NOS1AP: variants seen among roughly 807,000 people sequenced by gnomAD.
NOS1AP encodes nitric oxide synthase 1 adaptor protein.
NOS1AP carries 21 observed loss-of-function variants against 56.2 expected under a neutral mutation model. The ratio of observed to expected loss-of-function variants is 0.37; its 90% CI spans 0.26 to 0.54. NOS1AP has a LOEUF of 0.54. NOS1AP is among the 20% of genes least tolerant of loss of function. NOS1AP has a pLI of 0.84. For missense variants in NOS1AP, 522 were observed against 657.8 expected (o/e 0.79, Z 2.26); for synonymous variants, 270 against 274.6 (o/e 0.98, Z 0.17).
chr1:162,113,222 A>T (rs141828006), intron 1 of NOS1AP, among the ~76,000 whole-genome samples: 6 of 152,278 alleles, frequency 3.9e-5, no homozygotes, highest in African/African-American at 1.4e-4. Context: ...TCTGACAGCA[A>T]GCAGGTTATG....
chr1:162,333,996 T>A (rs1656859519), intron 5 of NOS1AP, among the ~76,000 whole-genome samples: 2 of 152,222 alleles, frequency 1.3e-5, no homozygotes, highest in Admixed American at 6.5e-5. Flanking sequence ...CTAAGGACCC[T>A]AGTAAGTCCA....
At chr1:162,153,993 A>G (rs1461699816) in intron 1 of NOS1AP, among the ~76,000 whole-genome samples, 2 of 147,028 alleles carry the variant, frequency 1.4e-5, no homozygotes, top group Admixed American at 6.8e-5. Context: ...TTTTGAGAGC[A>G]CTAATATTTG....
intron 1 of NOS1AP, among the ~76,000 whole-genome samples, chr1:162,148,246 G>A (rs1260649896): frequency 1.3e-5 from 2 of 152,222 alleles, no homozygotes; most frequent in Admixed American, 1.3e-4. Context: ...GGGTGAATCT[G>A]TGTTCATTTT....
rs777150600 is a variant in NOS1AP, at chr1:162,355,326, G to A, written c.735G>A (p.Lys245=). 1 of 1,614,170 alleles carries A rather than the reference G, an allele frequency of 6.2e-7. No individual in the cohort carries two copies. The highest frequency in any genetic ancestry group is 8.5e-7 in the Non-Finnish European group (1 of 1,180,034). Residue 245 remains lysine, a synonymous_variant, in exon 7 of 10, where the codon AAG becomes AAA. Transcript: ENST00000361897. ...TGACTGATCTAGATGCTGTAGGGAA[G>A]GAAGGAGGCTCTCACACAGGCTCCA... ...RGVTDLDAVG[K]EGGSHTGSKV...
chr1:162,150,652 C>A (rs1258695260), intron 1 of NOS1AP, among the ~76,000 whole-genome samples: 2 of 152,126 alleles, frequency 1.3e-5, no homozygotes, highest in Non-Finnish European at 2.9e-5. Context: ...GGATAAAAGT[C>A]ATTTTAACTG....
At chr1:162,336,424 A>G (rs1656941881) in intron 5 of NOS1AP, among the ~76,000 whole-genome samples, 1 of 152,204 alleles carries the variant, frequency 6.6e-6, no homozygotes, top group Non-Finnish European at 1.5e-5. Flanking sequence ...TATATAACTC[A>G]GAAGTTGCTT....
At chr1:162,242,746 G>A (rs1186623814) in intron 2 of NOS1AP, among the ~76,000 whole-genome samples, 2 of 152,098 alleles carry the variant, frequency 1.3e-5, no homozygotes, top group Non-Finnish European at 2.9e-5. Flanking sequence ...TCCAAGAATT[G>A]AAGAAAGCAG....
intron 2 of NOS1AP, among the ~76,000 whole-genome samples, chr1:162,279,475 G>C (rs567167815): frequency 6.6e-6 from 1 of 152,260 alleles, no homozygotes; most frequent in East Asian, 1.9e-4. Context: ...ACATCTGTGT[G>C]TGCATGAACC....
At chr1:162,298,714 G>T (rs1421325670) in intron 3 of NOS1AP, among the ~76,000 whole-genome samples, 2 of 152,104 alleles carry the variant, frequency 1.3e-5, no homozygotes, top group Non-Finnish European at 2.9e-5. Flanking sequence ...CAATCAACTG[G>T]TGCTAACACC....
chr1:162,087,157 G>A (rs1002534425), intron 1 of NOS1AP, among the ~76,000 whole-genome samples: 1 of 152,198 alleles, frequency 6.6e-6, no homozygotes, highest in Admixed American at 6.5e-5. Flanking sequence ...CAAGAGTTTG[G>A]TGTGTTAGAG....
intron 2 of NOS1AP, among the ~76,000 whole-genome samples, 193 bp downstream of exon 2, chr1:162,154,669 AT>A (rs1156909097): frequency 1.3e-5 from 2 of 152,190 alleles, no homozygotes; most frequent in African/African-American, 4.8e-5. Context: ...GTTAAAATGG[AT>A]GTGATGGCTG....
chr1:162,357,201 G>T, intron 8 of NOS1AP, 65 bp downstream of exon 8: 1 of 1,571,716 alleles, frequency 6.4e-7, no homozygotes, highest in Non-Finnish European at 8.6e-7. Flanking sequence ...ACCTTCCCTA[G>T]CGAGGGGCTC....
intron 2 of NOS1AP, among the ~76,000 whole-genome samples, chr1:162,252,471 G>A (rs538897311): frequency 6.6e-6 from 1 of 152,210 alleles, no homozygotes; most frequent in Admixed American, 6.5e-5. Context: ...GCAAATTCAA[G>A]GGGAGGTAGT....
In NOS1AP at chr1:162,151,880, G is replaced by A. The variant is rs540345187; in HGVS notation, c.106-2525G>A. Among the ~76,000 whole-genome samples the A allele has an allele frequency of 4.6e-3, 702 of 152,070 alleles. 2 individuals are homozygous for A. The highest frequency in any genetic ancestry group is 0.02 in the Middle Eastern group (6 of 294). On this transcript the variant is annotated intron_variant, in intron 1 of 9. Transcript: ENST00000361897. ...GGGGTGTGCATGTACATGTACATGC[G>A]CACCATGACTGTGTGTGAAGGTGTG...
intron 1 of NOS1AP, among the ~76,000 whole-genome samples, chr1:162,118,331 A>G (rs1648056039): frequency 6.6e-6 from 1 of 152,132 alleles, no homozygotes; most frequent in Non-Finnish European, 1.5e-5. Context: ...TTTAGCTCCC[A>G]CTTATAAGCG....
At position 162,299,620 on chromosome 1, in the gene NOS1AP, T is replaced by C. The variant is rs571429114; in HGVS notation, c.271-1013T>C. ...ATAGGAAGGTATCTTTTTAAAAAAA[T>C]ATTTAGTTTTTGGCTGTAACTGAAG... On this transcript the variant is annotated intron_variant, in intron 3 of 9. Transcript: ENST00000361897. Among the ~76,000 whole-genome samples the C allele has an allele frequency of 5.3e-5, 8 of 152,270 alleles. No individual in the cohort carries two copies. In the East Asian group the frequency reaches 1.5e-3, roughly 29 times the overall value.
chr1:162,255,763 G>A (rs2101698768), intron 2 of NOS1AP, among the ~76,000 whole-genome samples: 1 of 152,184 alleles, frequency 6.6e-6, no homozygotes, highest in South Asian at 2.1e-4. Context: ...GTTGGTGAGG[G>A]CAGGGGTGGA....
intron 1 of NOS1AP, among the ~76,000 whole-genome samples, chr1:162,106,676 T>G (rs555241853): frequency 6.6e-6 from 1 of 152,344 alleles, no homozygotes; most frequent in African/African-American, 2.4e-5. Context: ...GTAATGTAGA[T>G]TACATCCAGA....
At chr1:162,317,091 T>C (rs1053467190) in intron 4 of NOS1AP, 2 of 152,112 alleles carry the variant, frequency 1.3e-5, no homozygotes, top group African/African-American at 4.8e-5. Context: ...ATTGCTCCAA[T>C]AAAAGGTTTT....
Sources: allele counts gnomAD v4.1 joint callset (sites outside exome capture counted in the v4.1 genomes callset), GRCh38; gene constraint gnomAD v4.1.1; transcripts MANE v1.5; gene names NCBI Gene and HGNC (gene_info 2026-07-23, HGNC 2026-07-21).